The following RANBP17 variants were observed in gnomAD, a reference collection of about 807,000 sequenced individuals.
RANBP17 encodes RAN binding protein 17.
In RANBP17, 158 loss-of-function variants were observed where a neutral mutation model predicts 141.2. The observed-to-expected ratio is 1.12, with a 90% CI of 0.98 to 1.28. The LOEUF (loss-of-function observed/expected upper bound fraction) is 1.28, where lower values mean the gene tolerates loss of function less well. RANBP17 is among the 50% of genes most tolerant of loss of function. The pLI is 0.00. For missense variants in RANBP17, 1,438 were observed against 1,290.7 expected (o/e 1.11, Z -1.75); for synonymous variants, 430 against 450.0 (o/e 0.96, Z 0.56).
intron 25 of RANBP17, among the ~76,000 whole-genome samples, chr5:171,283,250 C>T (rs1561828286): frequency 6.6e-6 from 1 of 152,164 alleles, no homozygotes; most frequent in African/African-American, 2.4e-5. Context: ...TACTGTGTAT[C>T]TCCTCCCCTA....
chr5:171,038,868 A>G (rs983602918), intron 14 of RANBP17, among the ~76,000 whole-genome samples: 3 of 152,040 alleles, frequency 2.0e-5, no homozygotes, highest in Middle Eastern at 3.4e-3. Flanking sequence ...TTGCTTGTAT[A>G]TTGTCGAGGA....
At chr5:171,012,048 A>T (rs1561986060) in intron 14 of RANBP17, among the ~76,000 whole-genome samples, 1 of 144,654 alleles carries the variant, frequency 6.9e-6, no homozygotes, top group Non-Finnish European at 1.5e-5. Flanking sequence ...GTTTAAACAA[A>T]TTATATTATT....
intron 5 of RANBP17, among the ~76,000 whole-genome samples, chr5:170,897,575 A>G (rs932283801): frequency 4.2e-5 from 3 of 71,246 alleles, no homozygotes; most frequent in Non-Finnish European, 8.5e-5. Flanking sequence ...CCCAACCCCC[A>G]ACAGGCCCCG....
intron 14 of RANBP17, among the ~76,000 whole-genome samples, chr5:171,142,463 A>G (rs1365423670): frequency 1.3e-5 from 2 of 152,206 alleles, no homozygotes; most frequent in Admixed American, 6.5e-5. Context: ...GTCTGAACCA[A>G]GTGTTCTGCC....
intron 4 of RANBP17, among the ~76,000 whole-genome samples, chr5:170,892,803 C>T (rs990761719): frequency 1.3e-5 from 2 of 152,060 alleles, no homozygotes; most frequent in African/African-American, 4.8e-5. Flanking sequence ...ACATTTATGA[C>T]ACATATGTCT....
At chr5:171,007,862 A>C (rs1401280067) in intron 14 of RANBP17, among the ~76,000 whole-genome samples, 2 of 152,106 alleles carry the variant, frequency 1.3e-5, no homozygotes, top group Non-Finnish European at 2.9e-5. Flanking sequence ...AGAAGGAGGA[A>C]TGGAGGGTGG....
chr5:170,938,186 G>A (rs1435011444), intron 12 of RANBP17, among the ~76,000 whole-genome samples: 1 of 152,158 alleles, frequency 6.6e-6, no homozygotes, highest in East Asian at 1.9e-4. Flanking sequence ...TATCAATGAT[G>A]AAATTCGTGA....
chr5:171,102,491 C>T lies in RANBP17; in HGVS notation c.1711-67639C>T, dbSNP rs142663136. On this transcript the variant is annotated intron_variant, in intron 14 of 27. Transcript: ENST00000523189. ...ATCTAGTTATTCTAGTTAGCAATTC[C>T]TCTAACCTTTTATTGAAGTTCTTAG... 3.5e-4 allele frequency among the ~76,000 whole-genome samples: 53 copies of T among 152,132 alleles called. 1 individual carries two copies. The East Asian group carries it at 8.7e-3, about 25-fold the overall frequency.
intron 14 of RANBP17, among the ~76,000 whole-genome samples, chr5:171,017,951 C>T (rs369795788): frequency 3.4e-4 from 52 of 152,042 alleles, no homozygotes; most frequent in Admixed American, 8.5e-4. Context: ...GGAAGGGGTC[C>T]GATTTCAGTT....
At chr5:171,139,539 C>T (rs944572594) in intron 14 of RANBP17, among the ~76,000 whole-genome samples, 20 of 152,266 alleles carry the variant, frequency 1.3e-4, no homozygotes, top group Admixed American at 3.3e-4. Context: ...TGGCACCATT[C>T]TAGTATAAAC....
At chr5:170,993,039 G>T (rs1040207770) in intron 14 of RANBP17, among the ~76,000 whole-genome samples, 1 of 151,990 alleles carries the variant, frequency 6.6e-6, no homozygotes, top group Non-Finnish European at 1.5e-5. Context: ...AAGGAACTAG[G>T]TTTGTTTGTT....
intron 14 of RANBP17, among the ~76,000 whole-genome samples, chr5:170,991,773 A>T (rs1778525132): frequency 6.6e-6 from 1 of 152,052 alleles, no homozygotes; most frequent in Admixed American, 6.6e-5. Context: ...TACAGTACAG[A>T]TGTTCAAAAA....
intron 14 of RANBP17, among the ~76,000 whole-genome samples, chr5:171,119,215 C>A (rs990988857): frequency 6.6e-6 from 1 of 152,112 alleles, no homozygotes; most frequent in East Asian, 1.9e-4. Context: ...TCCTTGCATA[C>A]CTGTGATAAA....
chr5:170,971,726 C>G (rs542217827), intron 14 of RANBP17, among the ~76,000 whole-genome samples: 1 of 152,166 alleles, frequency 6.6e-6, no homozygotes, highest in African/African-American at 2.4e-5. Flanking sequence ...TGGAGTATCT[C>G]TCAGGTGTAC....
intron 12 of RANBP17, among the ~76,000 whole-genome samples, chr5:170,934,056 T>G (rs879918976): frequency 7.2e-5 from 11 of 152,134 alleles, no homozygotes; most frequent in Non-Finnish European, 1.6e-4. Context: ...TCTAAGTCTC[T>G]TTTTAGGTCT....
intron 12 of RANBP17, among the ~76,000 whole-genome samples, chr5:170,940,875 A>G (rs1774269658): frequency 6.6e-6 from 1 of 152,106 alleles, no homozygotes; most frequent in Non-Finnish European, 1.5e-5. Flanking sequence ...AGCAAATGTC[A>G]ATGACTCAGT....
chr5:171,215,945 A>C (rs1394982993), intron 21 of RANBP17, among the ~76,000 whole-genome samples: 1 of 152,024 alleles, frequency 6.6e-6, no homozygotes, highest in African/African-American at 2.4e-5. Context: ...TTTTGTTGCA[A>C]TTGCTTTTGG....
At chr5:171,186,570 T>C (rs1463630891) in intron 18 of RANBP17, among the ~76,000 whole-genome samples, 1 of 101,338 alleles carries the variant, frequency 9.9e-6, no homozygotes, top group African/African-American at 3.9e-5. Flanking sequence ...GGAGTCTCGC[T>C]CTGTCGCCCA....
intron 24 of RANBP17, among the ~76,000 whole-genome samples, chr5:171,246,314 C>T (rs75927651): frequency 0.06 from 9,173 of 152,274 alleles, 368 homozygotes; most frequent in East Asian, 0.12. Flanking sequence ...TTAGCCTTCC[C>T]AGATTTCAAC....
Sources: allele counts gnomAD v4.1 joint callset (sites outside exome capture counted in the v4.1 genomes callset), GRCh38; gene constraint gnomAD v4.1.1; transcripts MANE v1.5; gene names NCBI Gene and HGNC (gene_info 2026-07-23, HGNC 2026-07-21).